UBE2E3: variants seen among roughly 807,000 people sequenced by gnomAD.
UBE2E3 encodes the protein ubiquitin-conjugating enzyme E2 E3.
UBE2E3 carries 5 observed loss-of-function variants against 23.6 expected under a neutral mutation model. The ratio of observed to expected loss-of-function variants is 0.21; its 90% confidence interval spans 0.11 to 0.44. UBE2E3 has a LOEUF of 0.44. UBE2E3 is among the 20% of genes least tolerant of loss of function. The pLI is 0.99. For synonymous variants in UBE2E3, 78 were observed against 87.5 expected (o/e 0.89, Z 0.60); for missense variants, 81 against 249.8 (o/e 0.32, Z 4.55).
At chr2:180,987,247 G>C in intron 3 of UBE2E3, 1 of 1,375,650 alleles carries the variant, frequency 7.3e-7, no homozygotes, top group Non-Finnish European at 1.0e-6. Flanking sequence ...TTGTGTTATG[G>C]GCATTTCCCT....
intron 3 of UBE2E3, among the ~76,000 whole-genome samples, chr2:181,041,928 C>T (rs1407019888): frequency 6.6e-6 from 1 of 152,178 alleles, no homozygotes; most frequent in Non-Finnish European, 1.5e-5. Flanking sequence ...GACCTTAGTA[C>T]TGTTGACTAT....
chr2:180,991,207 G>T, intron 3 of UBE2E3, among the ~76,000 whole-genome samples: 1 of 150,442 alleles, frequency 6.6e-6, no homozygotes, highest in Non-Finnish European at 1.5e-5. Context: ...AAGCAGTTAT[G>T]GCCCTCTATA....
intron 3 of UBE2E3, among the ~76,000 whole-genome samples, chr2:181,024,614 TTACAG>T (rs1480280659): frequency 6.6e-6 from 1 of 152,108 alleles, no homozygotes; most frequent in Non-Finnish European, 1.5e-5. Context: ...TATGAATCTG[TTACAG>T]TAATCTATTT....
chr2:180,983,282 T>C (rs1684358454), intron 2 of UBE2E3, among the ~76,000 whole-genome samples: 1 of 152,240 alleles, frequency 6.6e-6, no homozygotes, highest in Admixed American at 6.5e-5. Context: ...CTTGATAATA[T>C]TTTTGAATGG....
chr2:181,058,917 A>G (rs1687057721), intron 4 of UBE2E3, among the ~76,000 whole-genome samples: 1 of 151,734 alleles, frequency 6.6e-6, no homozygotes, highest in African/African-American at 2.4e-5. Context: ...AGCATGTAAG[A>G]TCTTGAAATT....
chr2:181,029,462 A>G (rs534662689), intron 3 of UBE2E3, among the ~76,000 whole-genome samples: 1 of 152,014 alleles, frequency 6.6e-6, no homozygotes, highest in South Asian at 2.1e-4. Flanking sequence ...TTTAATTCTG[A>G]TTTTGCTTTG....
At chr2:180,989,095 A>C (rs1039852521) in intron 3 of UBE2E3, among the ~76,000 whole-genome samples, 2 of 152,132 alleles carry the variant, frequency 1.3e-5, no homozygotes, top group Admixed American at 1.3e-4. Context: ...CATCAGCATA[A>C]ACCTCAAAAA....
intron 3 of UBE2E3, among the ~76,000 whole-genome samples, chr2:181,032,463 G>A (rs974575607): frequency 6.6e-6 from 1 of 152,098 alleles, no homozygotes; most frequent in Non-Finnish European, 1.5e-5. Flanking sequence ...AGTAGATAGC[G>A]TGGATAAGAT....
chr2:180,980,512 C>G (rs952860792), upstream of UBE2E3: 39 of 148,694 alleles, frequency 2.6e-4, no homozygotes, highest in African/African-American at 8.8e-4. This position sits in a 1 kb window ranked among gnomAD's most constrained non-coding sequence, Gnocchi z 5.5. Context: ...CAGCTCGCGC[C>G]CGCCGGGCGT....
intron 3 of UBE2E3, 119 bp from the exon 4 acceptor site, chr2:181,057,574 C>T (rs1487339854): frequency 2.5e-6 from 2 of 786,432 alleles, no homozygotes; most frequent in South Asian, 2.3e-5. Flanking sequence ...TTCTTTTATA[C>T]TTATTTTACT....
At chr2:181,021,582 C>CCCTCCCTTCTTTCCTTCCTT (rs1685688128) in intron 3 of UBE2E3, among the ~76,000 whole-genome samples, 1 of 58,230 alleles carries the variant, frequency 1.7e-5, no homozygotes, top group African/African-American at 6.6e-5. Flanking sequence ...CTCCCTCCCT[C>CCCTCCCTTCTTTCCTTCCTT]CCTTCCTTCC....
At chr2:181,053,599 A>ATC (rs34344228) in intron 3 of UBE2E3, among the ~76,000 whole-genome samples, 117,256 of 151,484 alleles carry the variant, frequency 0.77, 45,628 homozygotes, top group East Asian at 0.91. Flanking sequence ...AACCCCTTGT[A>ATC]TCTCTGCCCC....
chr2:180,997,199 A>T (rs1553534975), intron 3 of UBE2E3, among the ~76,000 whole-genome samples: 1 of 150,458 alleles, frequency 6.6e-6, no homozygotes, highest in Non-Finnish European at 1.5e-5. Context: ...TAATTCTTTC[A>T]TCTTTTTCTA....
rs369605332 is a variant in UBE2E3, at chr2:181,006,275, TA to T, written c.245+22184del. Among the ~76,000 whole-genome samples the T allele has an allele frequency of 2.0e-4, 30 of 152,266 alleles. No individual in the cohort carries two copies. The South Asian group carries it at 6.2e-3, about 32-fold the overall frequency. ...GATTCCCTTGAGCTGGCATTAGGTT[TA>T]AGGCCATAGAGTTTGCTTAAATAGA... On this transcript the variant is annotated intron_variant, in intron 3 of 5. Transcript: ENST00000410062.
intron 3 of UBE2E3, among the ~76,000 whole-genome samples, chr2:181,001,636 T>C (rs1684994140): frequency 6.6e-6 from 1 of 152,080 alleles, no homozygotes; most frequent in Non-Finnish European, 1.5e-5. Context: ...CTGTCAAAAC[T>C]GAAGGTAAGG....
chr2:180,999,458 A>G (rs951531677), intron 3 of UBE2E3, among the ~76,000 whole-genome samples: 2 of 152,108 alleles, frequency 1.3e-5, no homozygotes, highest in African/African-American at 4.8e-5. Flanking sequence ...TATTCCTAGG[A>G]GTGGAATTGC....
At chr2:181,053,270 A>T (rs1686896819) in intron 3 of UBE2E3, among the ~76,000 whole-genome samples, 1 of 151,754 alleles carries the variant, frequency 6.6e-6, no homozygotes, top group Non-Finnish European at 1.5e-5. Flanking sequence ...ACTTTTCAGT[A>T]TTTTTTACTG....
chr2:181,017,682 T>C (rs553084565), intron 3 of UBE2E3, among the ~76,000 whole-genome samples: 1 of 151,084 alleles, frequency 6.6e-6, no homozygotes. Flanking sequence ...GTGTCATATG[T>C]TGCTTATTTA....
At chr2:180,997,096 T>C (rs1016878044) in intron 3 of UBE2E3, among the ~76,000 whole-genome samples, 2 of 150,044 alleles carry the variant, frequency 1.3e-5, no homozygotes, top group African/African-American at 4.9e-5. Context: ...TGTTACCCCA[T>C]TGCCTCAAAC....
Sources: allele counts gnomAD v4.1 joint callset (sites outside exome capture counted in the v4.1 genomes callset), GRCh38; gene constraint gnomAD v4.1.1; non-coding constraint Gnocchi (gnomAD v3.1); transcripts MANE v1.5; gene names NCBI Gene and HGNC (gene_info 2026-07-23, HGNC 2026-07-21).